The following EPB41L4A variants were observed in gnomAD, a reference collection of about 807,000 sequenced individuals.
EPB41L4A encodes the protein band 4.1-like protein 4A.
EPB41L4A carries 100 observed loss-of-function variants against 108.6 expected under a neutral mutation model. The ratio of observed to expected loss-of-function variants is 0.92; its 90% CI spans 0.78 to 1.09. The LOEUF is 1.09. Ranked by LOEUF, EPB41L4A falls within the 50% of genes least tolerant of loss-of-function variation. The pLI is 0.00. For synonymous variants in EPB41L4A, 319 were observed against 289.0 expected, an observed-to-expected ratio of 1.10 and a Z score of -1.05; for missense variants, 1,030 against 842.7, an observed-to-expected ratio of 1.22 and a Z score of -2.75.
At chr5:112,246,112 C>T (rs1390090427) in intron 9 of EPB41L4A, among the ~76,000 whole-genome samples, 2 of 152,172 alleles carry the variant, frequency 1.3e-5, no homozygotes, top group South Asian at 2.1e-4. Context: ...ATCACAGAAG[C>T]TCCTCCGGGC....
At chr5:112,307,547 C>G in intron 1 of EPB41L4A, 57 bp from the exon 2 acceptor site, 1 of 1,121,672 alleles carries the variant, frequency 8.9e-7, no homozygotes. Flanking sequence ...CTAAGTAGTA[C>G]ACAGTCATGG....
At chr5:112,205,162 T>G (rs1203903517) in intron 14 of EPB41L4A, among the ~76,000 whole-genome samples, 3 of 152,230 alleles carry the variant, frequency 2.0e-5, no homozygotes, top group African/African-American at 7.2e-5. Flanking sequence ...ATATATTACC[T>G]TACAGGCAAT....
rs575806331 is a variant in EPB41L4A, at chr5:112,191,258, C to T, written c.1502+3310G>A. On this transcript the variant is annotated intron_variant, in intron 17 of 22. Coordinates refer to ENST00000261486, the MANE Select transcript of EPB41L4A (RefSeq NM_022140.5). ...AATTACTCTGGTGTTCTAGGAAACA[C>T]GGTAGGATGAAGCCCTACAGTTAGG... is the stretch of plus-strand genomic sequence containing the variant. Among the ~76,000 whole-genome samples, 295 of 152,242 alleles carry T rather than the reference C, an allele frequency of 1.9e-3. 3 individuals are homozygous for T. Among genetic ancestry groups the T allele is most frequent in the South Asian group, 0.016 (75 of 4,812 alleles).
At chr5:112,235,327 G>A (rs1156818373) in intron 11 of EPB41L4A, among the ~76,000 whole-genome samples, 1 of 152,148 alleles carries the variant, frequency 6.6e-6, no homozygotes, top group Non-Finnish European at 1.5e-5. Flanking sequence ...CAGATTCCAG[G>A]GCAGGTTTCC....
At chr5:112,250,579 T>C (rs573029302) in intron 9 of EPB41L4A, 1 of 152,320 alleles carries the variant, frequency 6.6e-6, no homozygotes, top group South Asian at 2.1e-4. Context: ...CGAAGGCTTA[T>C]GTGGTAAGAC....
intron 4 of EPB41L4A, among the ~76,000 whole-genome samples, chr5:112,271,214 T>C (rs912522093): frequency 1.3e-5 from 2 of 152,208 alleles, no homozygotes; most frequent in African/African-American, 4.8e-5. Context: ...CATAGTTAAA[T>C]CAGCACCTAC....
At chr5:112,400,524 C>G (rs906177243) in intron 1 of EPB41L4A, among the ~76,000 whole-genome samples, 2 of 152,066 alleles carry the variant, frequency 1.3e-5, no homozygotes, top group Non-Finnish European at 2.9e-5. Flanking sequence ...GCAGGTCACA[C>G]AGTGGGAACA....
At chr5:112,270,502 A>C (rs1051777485) in intron 4 of EPB41L4A, among the ~76,000 whole-genome samples, 2 of 152,274 alleles carry the variant, frequency 1.3e-5, no homozygotes, top group Non-Finnish European at 2.9e-5. Flanking sequence ...ATGACTCAGC[A>C]GAAAAACAGT....
chr5:112,160,518 A>C (rs1474313853), downstream of EPB41L4A: 1 of 152,424 alleles, frequency 6.6e-6, no homozygotes, highest in East Asian at 1.9e-4. Flanking sequence ...AGCTGGACTC[A>C]TGAATTCTGT....
At chr5:112,209,670 T>C (rs1490673915) in intron 13 of EPB41L4A, among the ~76,000 whole-genome samples, 3 of 152,230 alleles carry the variant, frequency 2.0e-5, no homozygotes, top group African/African-American at 7.2e-5. Context: ...GAGTTCACCT[T>C]GTGACAAAAA....
intron 1 of EPB41L4A, among the ~76,000 whole-genome samples, chr5:112,381,065 C>T (rs1040834111): frequency 7.3e-4 from 111 of 152,174 alleles, no homozygotes; most frequent in African/African-American, 2.6e-3. Flanking sequence ...TTTCACATAC[C>T]ATCAGAGAGC....
intron 2 of EPB41L4A, among the ~76,000 whole-genome samples, chr5:112,299,611 C>T (rs1186134445): frequency 6.6e-6 from 1 of 152,146 alleles, no homozygotes; most frequent in Non-Finnish European, 1.5e-5. Context: ...TTGAGACCAG[C>T]CTGGCCAACA....
At chr5:112,377,390 A>C (rs1759888118) in intron 1 of EPB41L4A, among the ~76,000 whole-genome samples, 1 of 152,166 alleles carries the variant, frequency 6.6e-6, no homozygotes, top group Non-Finnish European at 1.5e-5. Context: ...GGTTTCTTAA[A>C]ATGGCATGTG....
At chr5:112,325,640 G>T (rs1037122450) in intron 1 of EPB41L4A, among the ~76,000 whole-genome samples, 3 of 152,162 alleles carry the variant, frequency 2.0e-5, no homozygotes, top group Non-Finnish European at 4.4e-5. Context: ...TTAAGAAAAG[G>T]TAATGAGGAG....
chr5:112,230,328 C>A (rs1748797935), intron 12 of EPB41L4A, among the ~76,000 whole-genome samples: 1 of 152,136 alleles, frequency 6.6e-6, no homozygotes, highest in Non-Finnish European at 1.5e-5. Context: ...AGTGGTTATT[C>A]TAGTTTACAT....
At chr5:112,398,001 A>G (rs932564290) in intron 1 of EPB41L4A, among the ~76,000 whole-genome samples, 1 of 152,228 alleles carries the variant, frequency 6.6e-6, no homozygotes, top group African/African-American at 2.4e-5. Context: ...TCTCCCTTCT[A>G]TGGTACTCAG....
At chr5:112,220,372 A>G (rs2150335144) in intron 12 of EPB41L4A, among the ~76,000 whole-genome samples, 1 of 152,298 alleles carries the variant, frequency 6.6e-6, no homozygotes. Context: ...TGATAATTAG[A>G]GTCATTTACC....
chr5:112,224,887 T>C (rs957606767), intron 12 of EPB41L4A, among the ~76,000 whole-genome samples: 1 of 152,188 alleles, frequency 6.6e-6, no homozygotes, highest in Admixed American at 6.5e-5. Context: ...TTTTCAGAAA[T>C]CATCTCCATA....
chr5:112,165,189 G>A, intron 22 of EPB41L4A, 71 bp from the exon 23 acceptor site: 1 of 1,159,610 alleles, frequency 8.6e-7, no homozygotes, highest in South Asian at 1.5e-5. Context: ...AATTACATCA[G>A]AAACCAAGCT....
Sources: gnomAD v4.1 joint callset for allele counts (sites outside exome capture counted in the v4.1 genomes callset) on GRCh38, gnomAD v4.1.1 for gene constraint, MANE v1.5 for transcripts, NCBI Gene and HGNC (gene_info 2026-07-23, HGNC 2026-07-21) for gene names.